The following PRIM2 variants were observed in gnomAD, a reference collection of about 807,000 sequenced individuals.
PRIM2 encodes the protein DNA primase subunit 2, also known as DNA primase large subunit.
Under a neutral mutation model 67.3 loss-of-function variants are expected in PRIM2, and 39 were observed. The observed-to-expected ratio is 0.58, with a 90% CI of 0.45 to 0.76. The LOEUF (loss-of-function observed/expected upper bound fraction) is 0.76, where lower values mean the gene tolerates loss of function less well. Among genes scored for constraint, PRIM2 ranks in the 30% least tolerant of loss-of-function variants. PRIM2 has a pLI of 0.00. For missense variants in PRIM2, 398 were observed against 598.7 expected (o/e 0.66, Z 3.50); for synonymous variants, 143 against 198.7 (o/e 0.72, Z 2.36).
At position 57,588,525 on chromosome 6, in the gene PRIM2, A is replaced by G. The variant is rs1221848525; in HGVS notation, c.1021-12568A>G. On this transcript the variant is annotated intron_variant, in intron 10 of 13. Coordinates refer to ENST00000615550, the MANE Select transcript of PRIM2 (RefSeq NM_000947.5). ...AGACAATTCTCTGGTGAGGAGGGGG[A>G]CTTGGGTTTTTCCCTCCTCTTGAGC... Among the ~76,000 whole-genome samples, 18 of 150,948 alleles carry G rather than the reference A, an allele frequency of 1.2e-4. No individual in the cohort carries two copies. In the East Asian group the frequency reaches 3.3e-3, roughly 28 times the overall value.
chr6:57,368,592 A>G (rs1769444665), intron 5 of PRIM2, among the ~76,000 whole-genome samples: 2 of 152,230 alleles, frequency 1.3e-5, no homozygotes, highest in African/African-American at 4.8e-5. Context: ...GAATGTGGGA[A>G]AGAAATAAAT....
chr6:57,499,762 G>T (rs1335399784), intron 7 of PRIM2, among the ~76,000 whole-genome samples: 1 of 152,190 alleles, frequency 6.6e-6, no homozygotes, highest in Admixed American at 6.5e-5. Flanking sequence ...GGGAAAGAAA[G>T]ATAATACTTT....
At chr6:57,632,989 G>C (rs1347570616) in intron 13 of PRIM2, among the ~76,000 whole-genome samples, 4 of 152,246 alleles carry the variant, frequency 2.6e-5, no homozygotes, top group Admixed American at 1.3e-4. Context: ...GCACAGAATA[G>C]ATTTTGAAGT....
chr6:57,463,747 G>A (rs1052593234), intron 7 of PRIM2, among the ~76,000 whole-genome samples: 1 of 152,142 alleles, frequency 6.6e-6, no homozygotes, highest in Non-Finnish European at 1.5e-5. Flanking sequence ...ACCCACGCAA[G>A]CTATATTCCT....
intron 5 of PRIM2, among the ~76,000 whole-genome samples, chr6:57,371,138 T>TG (rs1769543894): frequency 6.6e-6 from 1 of 151,664 alleles, no homozygotes; most frequent in South Asian, 2.1e-4. Context: ...TTTTTTTTTT[T>TG]TTTTCAAAAT....
At chr6:57,641,899 A>C (rs1311118104) in intron 13 of PRIM2, among the ~76,000 whole-genome samples, 1 of 152,242 alleles carries the variant, frequency 6.6e-6, no homozygotes, top group Non-Finnish European at 1.5e-5. Context: ...CCAAAGGATT[A>C]TAAATCATGC....
At chr6:57,595,274 A>G (rs1432836271) in intron 10 of PRIM2, among the ~76,000 whole-genome samples, 4 of 152,198 alleles carry the variant, frequency 2.6e-5, no homozygotes, top group African/African-American at 9.7e-5. Flanking sequence ...GTTCATGGCC[A>G]CTTGATTGAG....
At chr6:57,238,193 C>G in the PRIM2 span, among the ~76,000 whole-genome samples, 1 of 152,232 alleles carries the variant, frequency 6.6e-6, no homozygotes, top group Non-Finnish European at 1.5e-5. Flanking sequence ...GAATGGAACT[C>G]AGCTCTGCAC....
At chr6:57,555,720 T>A (rs1305752936) in intron 10 of PRIM2, among the ~76,000 whole-genome samples, 1 of 152,182 alleles carries the variant, frequency 6.6e-6, no homozygotes, top group Non-Finnish European at 1.5e-5. Context: ...ACATGATTTT[T>A]CTGTTCATTG....
intron 12 of PRIM2, among the ~76,000 whole-genome samples, chr6:57,613,171 A>G (rs1208512554): frequency 6.6e-6 from 1 of 152,154 alleles, no homozygotes; most frequent in Non-Finnish European, 1.5e-5. Flanking sequence ...CATAGTAAAA[A>G]TGCAGTGGAT....
chr6:57,403,564 T>C (rs1282648075), intron 7 of PRIM2, among the ~76,000 whole-genome samples: 2 of 152,078 alleles, frequency 1.3e-5, no homozygotes, highest in African/African-American at 4.8e-5. Flanking sequence ...GCCTGGCCCA[T>C]GTGAAGAATA....
chr6:57,519,156 C>T (rs1469239375), intron 8 of PRIM2, among the ~76,000 whole-genome samples: 4 of 152,096 alleles, frequency 2.6e-5, no homozygotes, highest in East Asian at 1.9e-4. Context: ...TAGAATATCA[C>T]GAGGCAAGTG....
At position 57,318,487 on chromosome 6, in the gene PRIM2, A is replaced by T. The variant is rs779741028; in HGVS notation, c.42A>T (p.Ala14=). ...SGRKWRKLRL[A]GDQRNASYPH... ...GAAAGTGGAGGAAGCTGAGGTTGGC[A>T]GGTGACCAGAGGAATGCTTCCTACC... Residue 14 remains alanine, a synonymous_variant, in exon 2 of 14, where the codon GCA becomes GCT. Transcript: ENST00000615550. 1.2e-6 allele frequency: 2 copies of T among 1,610,598 alleles called. No individual in the cohort carries two copies. Among genetic ancestry groups the T allele is most frequent in the South Asian group, 1.1e-5 (1 of 90,056 alleles).
At chr6:57,475,975 T>A (rs1773469044) in intron 7 of PRIM2, among the ~76,000 whole-genome samples, 2 of 152,304 alleles carry the variant, frequency 1.3e-5, no homozygotes, top group East Asian at 1.9e-4. Context: ...TTGTGATTTG[T>A]GGCTACCAGT....
At chr6:57,453,101 T>G (rs1317605938) in intron 7 of PRIM2, among the ~76,000 whole-genome samples, 1 of 152,220 alleles carries the variant, frequency 6.6e-6, no homozygotes, top group Admixed American at 6.5e-5. Flanking sequence ...GTTGTAGATA[T>G]GCGGCATTAT....
rs1777326961 is a variant in PRIM2, at chr6:57,645,966, G to T, written c.1338G>T (p.Gln446His). ...GCTTTTCTTTGAATCATCCTAATCA[G>T]TTCTTTTGTGAGAGCCAACGTATTC... Reference protein sequence around the residue: ...DCGFSLNHPNQFFCESQRILN... With the variant: ...DCGFSLNHPNHFFCESQRILN... Residue 446 changes from glutamine (Q) to histidine (H), a missense_variant, in exon 14 of 14, where the codon CAG becomes CAT. Transcript: ENST00000615550. The T allele has an allele frequency of 3.1e-6, 5 of 1,602,628 alleles. No homozygotes were observed. The highest frequency in any genetic ancestry group is 4.3e-6 in the Non-Finnish European group (5 of 1,169,664).
At chr6:57,382,827 C>T (rs564711114) in intron 7 of PRIM2, 1 of 152,112 alleles carries the variant, frequency 6.6e-6, no homozygotes, top group Admixed American at 6.6e-5. Flanking sequence ...AAGAAGACTT[C>T]AAAGGTTTGT....
At chr6:57,286,451 C>CCA in the PRIM2 span, among the ~76,000 whole-genome samples, 3 of 152,144 alleles carry the variant, frequency 2.0e-5, no homozygotes, top group Non-Finnish European at 4.4e-5. Context: ...AGAAGTAACA[C>CCA]CACACATCTA....
intron 7 of PRIM2, among the ~76,000 whole-genome samples, chr6:57,481,818 G>T (rs1317330224): frequency 6.6e-6 from 1 of 152,012 alleles, no homozygotes; most frequent in Non-Finnish European, 1.5e-5. Context: ...ATCTCATTAT[G>T]GTCTTGATTT....
Sources: allele counts gnomAD v4.1 joint callset (sites outside exome capture counted in the v4.1 genomes callset), GRCh38; gene constraint gnomAD v4.1.1; transcripts MANE v1.5; gene names NCBI Gene and HGNC (gene_info 2026-07-23, HGNC 2026-07-21).